HTR7: variants seen among roughly 807,000 people sequenced by gnomAD.
HTR7 encodes the protein 5-HT-7.
HTR7 carries 16 observed loss-of-function variants against 34.0 expected under a neutral mutation model. That is an observed-to-expected ratio of 0.47 (90% confidence interval 0.32 to 0.71). The LOEUF (loss-of-function observed/expected upper bound fraction) is 0.71. HTR7 is among the 30% of genes least tolerant of loss of function. HTR7 has a pLI of 0.04. For missense variants in HTR7, 504 were observed against 625.5 expected, an observed-to-expected ratio of 0.81 and a Z score of 2.07; for synonymous variants, 265 against 260.2, an observed-to-expected ratio of 1.02 and a Z score of -0.18.
At chr10:90,808,522 G>T (rs879887654) in intron 1 of HTR7, among the ~76,000 whole-genome samples, 2 of 150,546 alleles carry the variant, frequency 1.3e-5, no homozygotes, top group African/African-American at 4.9e-5. Flanking sequence ...TCTGTGCTCC[G>T]ATCCCTTATT....
chr10:90,764,548 G>A (rs1204508666), intron 1 of HTR7, among the ~76,000 whole-genome samples: 1 of 151,930 alleles, frequency 6.6e-6, no homozygotes, highest in African/African-American at 2.4e-5. Context: ...CAGAGTTTTG[G>A]TACAGTTTTT....
intron 2 of HTR7, among the ~76,000 whole-genome samples, chr10:90,748,422 C>T (rs1844674198): frequency 6.6e-6 from 1 of 152,184 alleles, no homozygotes; most frequent in Non-Finnish European, 1.5e-5. Context: ...ATCATTGTGC[C>T]TCCTACCTCA....
chr10:90,828,733 A>G lies in HTR7; in HGVS notation c.539+28400T>C, dbSNP rs571295039. On this transcript the variant is annotated intron_variant, in intron 1 of 3. Coordinates refer to ENST00000336152, the MANE Select transcript of HTR7 (RefSeq NM_019859.4). ...CCCAGCAAAGAAAAGCCCAGGACCC[A>G]ATGGCTTCACTGCTTCATTTCACAA... is the stretch of plus-strand genomic sequence containing the variant. Among the ~76,000 whole-genome samples the G allele has an allele frequency of 6.6e-5, 10 of 152,248 alleles. No homozygotes were observed. In the East Asian group the frequency reaches 1.3e-3, roughly 21 times the overall value.
In HTR7 at chr10:90,851,604, CAAAAAAAAAAAA is replaced by C. The variant is rs34310653; in HGVS notation, c.539+5517_539+5528del. On this transcript the variant is annotated intron_variant, in intron 1 of 3. Transcript: ENST00000336152. ...TGGGCGACAGAGTGAGACTCCGTCCCAAAAAAAAAAAAAAAAAAAAAAAGAAGGAAGCTGAAA... is the reference window on the plus strand; with the variant it reads ...TGGGCGACAGAGTGAGACTCCGTCCCAAAAAAAAAAAGAAGGAAGCTGAAA... Among the ~76,000 whole-genome samples the C allele has an allele frequency of 1.0e-4, 7 of 69,206 alleles. No homozygotes were observed. In the South Asian group the frequency reaches 2.1e-3, roughly 21 times the overall value. 45.4% of individuals were successfully genotyped at this position (69,206 alleles called of 152,430 possible). A position where few individuals can be genotyped will look rare whatever the true frequency, so the allele number is the denominator to read the frequency against.
intron 1 of HTR7, among the ~76,000 whole-genome samples, chr10:90,816,022 T>C (rs180983915): frequency 3.9e-5 from 6 of 152,298 alleles, no homozygotes; most frequent in Admixed American, 3.9e-4. Context: ...TGCCCAGGGT[T>C]CCCTAATAAA....
At chr10:90,760,827 G>A (rs546737708) in intron 1 of HTR7, among the ~76,000 whole-genome samples, 2 of 152,282 alleles carry the variant, frequency 1.3e-5, no homozygotes, top group East Asian at 3.9e-4. Flanking sequence ...GTTGCAGTGA[G>A]CCGAGATTGC....
chr10:90,789,585 A>C (rs1179755483), intron 1 of HTR7, among the ~76,000 whole-genome samples: 1 of 152,220 alleles, frequency 6.6e-6, no homozygotes, highest in Non-Finnish European at 1.5e-5. Context: ...GTACTGCTGA[A>C]GGTTAACAGA....
chr10:90,824,463 A>C (rs921841422), intron 1 of HTR7, among the ~76,000 whole-genome samples: 3 of 152,192 alleles, frequency 2.0e-5, no homozygotes, highest in African/African-American at 7.2e-5. Context: ...GTGGTAGCCA[A>C]GGGGAGGGAT....
chr10:90,752,417 T>TG (rs1212915361), intron 1 of HTR7, among the ~76,000 whole-genome samples: 1 of 152,048 alleles, frequency 6.6e-6, no homozygotes, highest in Non-Finnish European at 1.5e-5. Flanking sequence ...CTTAAATCCA[T>TG]GGGGGAAAAA....
chr10:90,838,345 G>A (rs1193716045), intron 1 of HTR7, among the ~76,000 whole-genome samples: 1 of 152,028 alleles, frequency 6.6e-6, no homozygotes, highest in Non-Finnish European at 1.5e-5. Flanking sequence ...CCATCAGCAA[G>A]GCCTGCCGAT....
At chr10:90,744,006 G>A (rs1847279787) in intron 2 of HTR7, 1 of 500,872 alleles carries the variant, frequency 2.0e-6, no homozygotes, top group Admixed American at 2.7e-5. Flanking sequence ...CAGTCTTACA[G>A]GTTTGTACAG....
intron 1 of HTR7, among the ~76,000 whole-genome samples, chr10:90,754,050 A>T (rs900847325): frequency 6.6e-6 from 1 of 152,032 alleles, no homozygotes; most frequent in Non-Finnish European, 1.5e-5. Flanking sequence ...ATATTTTTGT[A>T]GTGAGCATGT....
chr10:90,820,705 A>T (rs1437570604), intron 1 of HTR7, among the ~76,000 whole-genome samples: 1 of 152,168 alleles, frequency 6.6e-6, no homozygotes, highest in Non-Finnish European at 1.5e-5. Flanking sequence ...GGCAACACAG[A>T]TGTTCCTTGG....
intron 1 of HTR7, among the ~76,000 whole-genome samples, chr10:90,854,366 TC>T (rs1345023624): frequency 1.3e-5 from 2 of 150,244 alleles, no homozygotes; most frequent in South Asian, 2.1e-4. Flanking sequence ...TCCACCTCAC[TC>T]CCCCCAAAAA....
At chr10:90,770,169 G>A (rs1484515823) in intron 1 of HTR7, among the ~76,000 whole-genome samples, 3 of 152,236 alleles carry the variant, frequency 2.0e-5, no homozygotes, top group Non-Finnish European at 2.9e-5. Flanking sequence ...CCTGCAGGGA[G>A]GGCACGGGAA....
At chr10:90,813,862 T>C (rs1011458106) in intron 1 of HTR7, among the ~76,000 whole-genome samples, 6 of 152,140 alleles carry the variant, frequency 3.9e-5, no homozygotes, top group African/African-American at 1.4e-4. Context: ...ACGACCAGCT[T>C]CCTCACCAGC....
rs767292930 is a variant in HTR7 at position 90,857,198 on chromosome 10, G to A, written c.474C>T (p.Phe158=). The A allele has an allele frequency of 1.9e-6, 3 of 1,614,046 alleles. No homozygotes were observed. The highest frequency in any genetic ancestry group is 1.7e-6 in the Non-Finnish European group (2 of 1,179,984). The change falls in exon 1 of 4, where the codon TTC becomes TTT. Residue 158 remains phenylalanine, a synonymous_variant. Transcript: ENST00000336152. The surrounding 1 kb of genome is among the most constrained non-coding windows in gnomAD (Gnocchi z 6.5). ...TGCAGCACATGACGTCCATGGCGAT[G>A]AAGACATTACAGAAAAAGTGTCCAA... ...WIFGHFFCNV[F]IAMDVMCCTA...
intron 1 of HTR7, among the ~76,000 whole-genome samples, chr10:90,854,025 A>G (rs2120134749): frequency 6.6e-6 from 1 of 152,362 alleles, no homozygotes; most frequent in East Asian, 1.9e-4. Context: ...AGGGTTTTAA[A>G]AGATAGAAAA....
rs760685656 is a variant in HTR7, at chr10:90,742,530, T to TA, written c.1394-3dup. ...TTTCTACAGTAGTCAGCATTTTGTC[T>TA]AAAAAAAAGAGAGAGAAAAATAGAA... On this transcript the variant is annotated splice_region_variant and splice_polypyrimidine_tract_variant and intron_variant, in intron 3 of 3. Transcript: ENST00000336152. 95 of 1,574,978 alleles carry TA rather than the reference T, an allele frequency of 6.0e-5. No individual in the cohort carries two copies. The highest frequency in any genetic ancestry group is 1.7e-4 in the Middle Eastern group (1 of 5,988).
Sources: gnomAD v4.1 joint callset for allele counts (sites outside exome capture counted in the v4.1 genomes callset) on GRCh38, gnomAD v4.1.1 for gene constraint, Gnocchi (gnomAD v3.1) non-coding constraint, MANE v1.5 for transcripts, NCBI Gene and HGNC (gene_info 2026-07-23, HGNC 2026-07-21) for gene names.